PSENEN: variants seen among roughly 807,000 people sequenced by gnomAD.
PSENEN encodes presenilin enhancer, gamma-secretase subunit, also known as gamma-secretase subunit PEN-2.
A neutral mutation model predicts 15.4 loss-of-function variants in PSENEN; 4 were observed. The observed-to-expected ratio is 0.26, with a 90% CI of 0.13 to 0.59. PSENEN has a LOEUF of 0.59. Ranked by LOEUF, PSENEN falls within the 20% of genes least tolerant of loss-of-function variation. PSENEN has a pLI of 0.89. For synonymous variants in PSENEN, 42 were observed against 46.5 expected, an observed-to-expected ratio of 0.90 and a Z score of 0.39; for missense variants, 112 against 120.3, an observed-to-expected ratio of 0.93 and a Z score of 0.32.
At chr19:35,746,665 G>T (rs1235091594) in intron 3 of PSENEN, 43 bp from the exon 4 acceptor site, 2 of 1,614,110 alleles carry the variant, frequency 1.2e-6, no homozygotes, top group East Asian at 4.5e-5. Context: ...AGTCTGGAGA[G>T]CAGCCGGAGG....
intron 2 of PSENEN, 74 bp from the exon 3 acceptor site, chr19:35,746,345 G>A (rs1331797618): frequency 2.4e-6 from 3 of 1,246,296 alleles, no homozygotes; most frequent in Non-Finnish European, 2.3e-6. Context: ...AATAGATCTC[G>A]GTGGGAGTTG....
At position 35,746,703 on chromosome 19, in the gene PSENEN, G is replaced by A. The variant is rs762527582; in HGVS notation, c.167-5G>A. The A allele has an allele frequency of 1.2e-6, 2 of 1,614,174 alleles. No individual in the cohort carries two copies. The highest frequency in any genetic ancestry group is 2.2e-5 in the East Asian group (1 of 44,882). On this transcript the variant is annotated splice_region_variant and splice_polypyrimidine_tract_variant and intron_variant, in intron 3 of 3. Coordinates refer to ENST00000587708, the MANE Select transcript of PSENEN (RefSeq NM_172341.4). ...AACCCTTCCAGCTTCTGTTTCCCAT[G>A]ACAGATGTCTGGCGCTCAGCTGTGG...
chr19:35,746,109 G>A, intron 2 of PSENEN, 118 bp downstream of exon 2: 4 of 1,069,534 alleles, frequency 3.7e-6, no homozygotes, highest in Non-Finnish European at 5.6e-6. Context: ...TGCGAACGCC[G>A]ACTCCTGGAT....
rs1485631551 is a variant in PSENEN at position 35,745,889 on chromosome 19, T to C, written c.-42T>C. ...GTTACTTAGGGTCAAGGCTTGGGTC[T>C]TGCCCCGCAGACCCTTGGGACGACC... On this transcript the variant is annotated 5_prime_UTR_variant, in exon 2 of 4. Transcript: ENST00000587708. 2 of 1,604,468 alleles carry C rather than the reference T, an allele frequency of 1.2e-6. No homozygotes were observed. Among genetic ancestry groups the C allele is most frequent in the African/African-American group, 2.7e-5 (2 of 74,748 alleles).
chr19:35,747,227 T>A lies in PSENEN; in HGVS notation c.*380T>A. 1 of 51,886 alleles carries A rather than the reference T, an allele frequency of 1.9e-5. No homozygotes were observed. The highest frequency in any genetic ancestry group is 3.8e-5 in the Non-Finnish European group (1 of 26,000). The allele number at this position is 51,886 out of a possible 1,614,324, so 3.2% of individuals were successfully genotyped here. On this transcript the variant is annotated 3_prime_UTR_variant, in exon 4 of 4. Coordinates refer to ENST00000587708, the MANE Select transcript of PSENEN (RefSeq NM_172341.4). ...TGCTTCCATTTCTTTTTCTTTTTTCTTTTTTTTTTTTTTTTTTGAGACAGA... is the reference window on the plus strand; with the variant it reads ...TGCTTCCATTTCTTTTTCTTTTTTCATTTTTTTTTTTTTTTTTGAGACAGA...
At chr19:35,746,033 G>A (rs771988284) in intron 2 of PSENEN, 42 bp downstream of exon 2, 5 of 1,598,512 alleles carry the variant, frequency 3.1e-6, no homozygotes. Flanking sequence ...AGAGGGGACT[G>A]GACTAGAGCA....
intron 3 of PSENEN, 29 bp from the exon 4 acceptor site, chr19:35,746,679 A>G (rs1252887156): frequency 1.2e-6 from 2 of 1,613,984 alleles, no homozygotes; most frequent in South Asian, 1.1e-5. Context: ...CCGGAGGCCA[A>G]CCCTTCCAGC....
intron 3 of PSENEN, 44 bp downstream of exon 3, chr19:35,746,567 G>A (rs200911655): frequency 6.2e-7 from 1 of 1,600,748 alleles, no homozygotes; most frequent in Non-Finnish European, 8.6e-7. Context: ...GCAGGGGAGA[G>A]GGGGAAGCGG....
rs1258320503 is a variant in PSENEN, at chr19:35,746,814, C to T, written c.273C>T (p.Tyr91=). 2 of 1,613,932 alleles carry T rather than the reference C, an allele frequency of 1.2e-6. No homozygotes were observed. Residue 91 remains tyrosine, a synonymous_variant, in exon 4 of 4, where the codon TAC becomes TAT. Coordinates refer to ENST00000587708, the MANE Select transcript of PSENEN (RefSeq NM_172341.4). ...YRPRWGALGD[Y]LSFTIPLGTP ...CCCGCTGGGGTGCCCTTGGGGACTACCTCTCCTTCACCATACCCCTGGGCA... is the reference window on the plus strand; with the variant it reads ...CCCGCTGGGGTGCCCTTGGGGACTATCTCTCCTTCACCATACCCCTGGGCA...
Position 35,747,043 on chromosome 19 carries a change from A to C in PSENEN, c.*196A>C. ...GGATCTTTTAGAGGTTGAGGCATAA[A>C]TGATTATTAATATTTAAAAACATCT... On this transcript the variant is annotated 3_prime_UTR_variant, in exon 4 of 4. Coordinates refer to ENST00000587708, the MANE Select transcript of PSENEN (RefSeq NM_172341.4). 1.8e-6 allele frequency: 1 copy of C among 553,174 alleles called. No individual in the cohort carries two copies. The highest frequency in any genetic ancestry group is 3.1e-6 in the Non-Finnish European group (1 of 318,340). The allele number at this position is 553,174 out of a possible 1,614,324, so 34.3% of individuals were successfully genotyped here. A position where few individuals can be genotyped will look rare whatever the true frequency, so the allele number is the denominator to read the frequency against.
chr19:35,746,601 T>A (rs764088430), intron 3 of PSENEN, 78 bp downstream of exon 3: 1 of 1,605,856 alleles, frequency 6.2e-7, no homozygotes, highest in Non-Finnish European at 8.5e-7. Context: ...GAAGGGACAA[T>A]GGAGGATCCA....
At chr19:35,746,273 A>AT (rs1222325572) in intron 2 of PSENEN, 146 bp from the exon 3 acceptor site, 213 of 778,876 alleles carry the variant, frequency 2.7e-4, no homozygotes, top group Non-Finnish European at 3.8e-4. Flanking sequence ...GAGGAGCCAG[A>AT]TTCCTGAGTC....
Position 35,746,974 on chromosome 19 carries a change from A to G in PSENEN, c.*127A>G. On this transcript the variant is annotated 3_prime_UTR_variant, in exon 4 of 4. Coordinates refer to ENST00000587708, the MANE Select transcript of PSENEN (RefSeq NM_172341.4). ...TTTTCATGTCCCACGTTCTCTGCTG[A>G]CATCCCCCAATAAAGGACCCTAACT... is the stretch of plus-strand genomic sequence containing the variant. The G allele has an allele frequency of 1.0e-6, 1 of 958,202 alleles. No individual in the cohort carries two copies. The highest frequency in any genetic ancestry group is 1.7e-5 in the South Asian group (1 of 57,786). The allele number at this position is 958,202 out of a possible 1,614,324, so 59.4% of individuals were successfully genotyped here.
chr19:35,746,082 C>A, intron 2 of PSENEN, 91 bp downstream of exon 2: 2 of 1,362,634 alleles, frequency 1.5e-6, no homozygotes, highest in Non-Finnish European at 2.1e-6. Context: ...ATTCTTAAGT[C>A]TAAGAGATGA....
intron 2 of PSENEN, 126 bp downstream of exon 2, chr19:35,746,117 G>A: frequency 1.0e-6 from 1 of 989,966 alleles, no homozygotes. Context: ...CCGACTCCTG[G>A]ATTTGAGTGG....
In PSENEN at chr19:35,746,956, G is replaced by T; in HGVS notation, c.*109G>T. 1 of 1,173,670 alleles carries T rather than the reference G, an allele frequency of 8.5e-7. No homozygotes were observed. The highest frequency in any genetic ancestry group is 1.5e-5 in the South Asian group (1 of 68,508). The allele number at this position is 1,173,670 out of a possible 1,614,324, so 72.7% of individuals were successfully genotyped here. A position where few individuals can be genotyped will look rare whatever the true frequency, so the allele number is the denominator to read the frequency against. Reference sequence around the variant, plus strand: ...TCAAACTCCTAAGACTTGTTTTCATGTCCCACGTTCTCTGCTGACATCCCC... The same window carrying T: ...TCAAACTCCTAAGACTTGTTTTCATTTCCCACGTTCTCTGCTGACATCCCC... On this transcript the variant is annotated 3_prime_UTR_variant, in exon 4 of 4. Transcript: ENST00000587708.
rs2146519057 is a variant in PSENEN at position 35,746,133 on chromosome 19, G to A, written c.61+142G>A. 3.4e-6 allele frequency: 3 copies of A among 891,542 alleles called. No homozygotes were observed. The South Asian group carries it at 4.3e-5, about 13-fold the overall frequency. 55.2% of individuals were successfully genotyped at this position (891,542 alleles called of 1,614,324 possible). On this transcript the variant is annotated intron_variant, in intron 2 of 3. Coordinates refer to ENST00000587708, the MANE Select transcript of PSENEN (RefSeq NM_172341.4). ...CGACTCCTGGATTTGAGTGGGGAGG[G>A]CCTGGGTCCTGAGGAATGAGGAAGC... is the stretch of plus-strand genomic sequence containing the variant.
chr19:35,746,197 T>C (rs1330387722), intron 2 of PSENEN, among the ~76,000 whole-genome samples: 1 of 152,106 alleles, frequency 6.6e-6, no homozygotes, highest in Non-Finnish European at 1.5e-5. Flanking sequence ...AGGAGGGGGA[T>C]TGAGGGCCTG....
intron 3 of PSENEN, 75 bp from the exon 4 acceptor site, chr19:35,746,633 G>A: frequency 6.2e-7 from 1 of 1,612,540 alleles, no homozygotes; most frequent in Admixed American, 1.7e-5. Context: ...CTCTGGGTGA[G>A]AAGGGAAGGC....
Sources: gnomAD v4.1 joint callset for allele counts (sites outside exome capture counted in the v4.1 genomes callset) on GRCh38, gnomAD v4.1.1 for gene constraint, MANE v1.5 for transcripts, NCBI Gene and HGNC (gene_info 2026-07-23, HGNC 2026-07-21) for gene names.